Variants in AOPEP observed in about 807,000 individuals in gnomAD.
AOPEP encodes the protein aminopeptidase O.
AOPEP carries 77 observed loss-of-function variants against 98.1 expected under a neutral mutation model. That is an observed-to-expected ratio of 0.78 (90% confidence interval 0.65 to 0.95). The LOEUF (loss-of-function observed/expected upper bound fraction) is 0.95, where lower values mean the gene tolerates loss of function less well. Ranked by LOEUF, AOPEP falls within the 40% of genes least tolerant of loss-of-function variation. The pLI, the probability that AOPEP is intolerant of heterozygous loss-of-function variation, is 0.00. For missense variants in AOPEP, 1,024 were observed against 1,024.7 expected, an observed-to-expected ratio of 1.00 and a Z score of 0.01; for synonymous variants, 346 against 365.3, an observed-to-expected ratio of 0.95 and a Z score of 0.60.
At chr9:94,875,635 G>A (rs1177221982) in intron 5 of AOPEP, among the ~76,000 whole-genome samples, 1 of 152,178 alleles carries the variant, frequency 6.6e-6, no homozygotes, top group Non-Finnish European at 1.5e-5. Flanking sequence ...CCTCAGTTAC[G>A]TTTTCAGTTT....
At chr9:95,128,010 T>C in the AOPEP span, among the ~76,000 whole-genome samples, 1 of 152,242 alleles carries the variant, frequency 6.6e-6, no homozygotes, top group Admixed American at 6.5e-5. Context: ...AGGAACCAAC[T>C]TGATATTCTT....
chr9:95,053,307 A>T, intron 13 of AOPEP, among the ~76,000 whole-genome samples: 1 of 152,220 alleles, frequency 6.6e-6, no homozygotes, highest in East Asian at 1.9e-4. Flanking sequence ...TTATTTTCTT[A>T]TTATGTATCT....
intron 5 of AOPEP, among the ~76,000 whole-genome samples, chr9:94,893,127 T>G (rs1231511777): frequency 6.6e-6 from 1 of 152,344 alleles, no homozygotes; most frequent in East Asian, 1.9e-4. Flanking sequence ...ATTACTTCAC[T>G]AAGGTCACAA....
the AOPEP span, chr9:95,114,125 TTAGAA>T: frequency 5.2e-6 from 1 of 192,474 alleles, no homozygotes; most frequent in South Asian, 1.1e-4. Flanking sequence ...AGAATTTATA[TTAGAA>T]TAGATTTTCT....
intron 5 of AOPEP, among the ~76,000 whole-genome samples, chr9:94,810,607 G>A (rs1203968502): frequency 2.7e-5 from 4 of 150,892 alleles, no homozygotes; most frequent in African/African-American, 4.9e-5. Flanking sequence ...CAGCCACTGC[G>A]CCTGGCCTTT....
At chr9:94,919,047 T>C (rs753499988) in intron 5 of AOPEP, among the ~76,000 whole-genome samples, 4 of 152,090 alleles carry the variant, frequency 2.6e-5, no homozygotes, top group Non-Finnish European at 4.4e-5. Flanking sequence ...TCCTAGTAGC[T>C]GGGATTACAG....
chr9:94,765,126 T>TA (rs1043727519), intron 2 of AOPEP, among the ~76,000 whole-genome samples: 12 of 152,108 alleles, frequency 7.9e-5, no homozygotes, highest in African/African-American at 2.9e-4. Flanking sequence ...CACGCCCAGC[T>TA]AATTTTTGTA....
intron 5 of AOPEP, among the ~76,000 whole-genome samples, chr9:94,916,218 G>T (rs367775471): frequency 2.6e-5 from 4 of 152,106 alleles, no homozygotes; most frequent in African/African-American, 4.8e-5. Context: ...AAACATCATC[G>T]CCCTGATTGG....
intron 5 of AOPEP, among the ~76,000 whole-genome samples, chr9:94,849,022 A>G (rs2043202056): frequency 6.6e-6 from 1 of 151,978 alleles, no homozygotes; most frequent in South Asian, 2.1e-4. Flanking sequence ...CAGGCGATCC[A>G]CTCGCCTCGG....
At chr9:94,903,740 A>G (rs770061972) in intron 5 of AOPEP, among the ~76,000 whole-genome samples, 6 of 151,738 alleles carry the variant, frequency 4.0e-5, no homozygotes, top group African/African-American at 7.3e-5. Flanking sequence ...GTTCAAGGTT[A>G]CAGTGAGCTA....
rs1365772757 is a variant in AOPEP at position 94,963,610 on chromosome 9, G to A, written c.1873-4148G>A. Among the ~76,000 whole-genome samples the A allele has an allele frequency of 2.9e-5, 4 of 137,150 alleles. No individual in the cohort carries two copies. The East Asian group carries it at 8.4e-4, about 29-fold the overall frequency. 90.0% of individuals were successfully genotyped at this position (137,150 alleles called of 152,430 possible). ...TATTGTTTTATCAATAGATTTTGGG[G>A]AGTGGGGGTGGGCTTTGGTTTTAAT... is the stretch of plus-strand genomic sequence containing the variant. On this transcript the variant is annotated intron_variant, in intron 9 of 16. Transcript: ENST00000375315.
intron 13 of AOPEP, among the ~76,000 whole-genome samples, chr9:95,033,589 C>G (rs2133407834): frequency 1.3e-5 from 2 of 152,262 alleles, no homozygotes; most frequent in Middle Eastern, 3.4e-3. Context: ...ACTGAAGTTT[C>G]CTCCTTCGTA....
At chr9:94,774,422 G>A (rs562605) in intron 3 of AOPEP, among the ~76,000 whole-genome samples, 7,989 of 150,880 alleles carry the variant, frequency 0.053, 236 homozygotes, top group Admixed American at 0.078. Flanking sequence ...GAAAATTATC[G>A]CTAAGATTTT....
At chr9:94,897,602 T>C (rs1179770618) in intron 5 of AOPEP, among the ~76,000 whole-genome samples, 1 of 152,024 alleles carries the variant, frequency 6.6e-6, no homozygotes, top group Non-Finnish European at 1.5e-5. Context: ...TTGAAAGAAA[T>C]ACAAAAAGAA....
At chr9:95,125,171 T>C in the AOPEP span, 1 of 1,614,130 alleles carries the variant, frequency 6.2e-7, no homozygotes. Context: ...CCCATCGGTT[T>C]CCAGGAGTGC....
chr9:94,994,497 T>C (rs2061098139), intron 11 of AOPEP, among the ~76,000 whole-genome samples: 1 of 152,250 alleles, frequency 6.6e-6, no homozygotes. Flanking sequence ...ATTATACCCA[T>C]TTTACAGATG....
intron 1 of AOPEP, among the ~76,000 whole-genome samples, chr9:94,729,431 A>G (rs1257060828): frequency 6.6e-6 from 1 of 152,076 alleles, no homozygotes; most frequent in Non-Finnish European, 1.5e-5. Context: ...TTAGCCAGGC[A>G]TGATGGCATA....
intron 13 of AOPEP, among the ~76,000 whole-genome samples, chr9:95,011,293 T>A (rs1486537766): frequency 6.6e-6 from 1 of 151,242 alleles, no homozygotes; most frequent in African/African-American, 2.4e-5. Flanking sequence ...CCTCGCGGGT[T>A]CCAGCGATTC....
the AOPEP span, chr9:95,149,869 CCTT>C: frequency 1.9e-6 from 3 of 1,547,500 alleles, no homozygotes; most frequent in Non-Finnish European, 2.6e-6. Context: ...CACACCACAG[CCTT>C]CTAAGAAAAG....
Sources: gnomAD v4.1 joint callset for allele counts (sites outside exome capture counted in the v4.1 genomes callset) on GRCh38, gnomAD v4.1.1 for gene constraint, MANE v1.5 for transcripts, NCBI Gene and HGNC (gene_info 2026-07-23, HGNC 2026-07-21) for gene names.